Variants in RABGAP1L observed in about 807,000 individuals in gnomAD.
RABGAP1L encodes the protein rab GTPase-activating protein 1-like.
RABGAP1L carries 63 observed loss-of-function variants against 137.7 expected under a neutral mutation model. That is an observed-to-expected ratio of 0.46 (90% CI 0.37 to 0.56). RABGAP1L has a LOEUF of 0.56. Ranked by LOEUF, RABGAP1L falls within the 20% of genes least tolerant of loss-of-function variation. The pLI is 0.00. For missense variants in RABGAP1L, 1,095 were observed against 1,244.0 expected, an observed-to-expected ratio of 0.88 and a Z score of 1.80; for synonymous variants, 431 against 433.7, an observed-to-expected ratio of 0.99 and a Z score of 0.08.
intron 15 of RABGAP1L, among the ~76,000 whole-genome samples, chr1:174,686,265 C>G (rs771919614): frequency 6.6e-6 from 1 of 152,068 alleles, no homozygotes; most frequent in Non-Finnish European, 1.5e-5. Context: ...TATAATAGTT[C>G]TATTATGATT....
In RABGAP1L at chr1:174,706,384, G is replaced by A. The variant is rs1680048237; in HGVS notation, c.2169+4128G>A. Among the ~76,000 whole-genome samples, 5 of 152,104 alleles carry A rather than the reference G, an allele frequency of 3.3e-5. No individual in the cohort carries two copies. In the South Asian group the frequency reaches 1.0e-3, roughly 31 times the overall value. ...AATACATTTTCTTATGTTAAGATGA[G>A]TGAAAATCTGTTTTGATTGTCTTTT... On this transcript the variant is annotated intron_variant, in intron 17 of 25. Coordinates refer to ENST00000681986, the MANE Select transcript of RABGAP1L (RefSeq NM_001366446.1).
chr1:174,732,282 G>T (rs1198612360), intron 17 of RABGAP1L, among the ~76,000 whole-genome samples: 1 of 151,842 alleles, frequency 6.6e-6, no homozygotes, highest in African/African-American at 2.4e-5. Context: ...TAAAAGAAGA[G>T]AACTTAAGTA....
At chr1:174,642,497 G>A (rs1405504212) in intron 14 of RABGAP1L, among the ~76,000 whole-genome samples, 3 of 152,014 alleles carry the variant, frequency 2.0e-5, no homozygotes, top group Non-Finnish European at 2.9e-5. Flanking sequence ...GTGATTATGA[G>A]GATGAATTAT....
At chr1:174,381,228 A>G (rs1404812776) in intron 12 of RABGAP1L, among the ~76,000 whole-genome samples, 13 of 146,612 alleles carry the variant, frequency 8.9e-5, no homozygotes, top group Admixed American at 8.7e-4. Flanking sequence ...CAATTTTGGA[A>G]TAGGTGTGGT....
intron 11 of RABGAP1L, among the ~76,000 whole-genome samples, chr1:174,327,691 A>G (rs1571234940): frequency 6.6e-6 from 1 of 151,942 alleles, no homozygotes; most frequent in East Asian, 1.9e-4. Flanking sequence ...CTTCTTTGAA[A>G]AGACGCAGAG....
chr1:174,440,672 C>T (rs1298626011), intron 13 of RABGAP1L, among the ~76,000 whole-genome samples: 1 of 152,160 alleles, frequency 6.6e-6, no homozygotes, highest in Non-Finnish European at 1.5e-5. Context: ...TCTCATGCCT[C>T]AGCCTCCTGA....
At chr1:174,175,205 A>G (rs1558003901) in intron 1 of RABGAP1L, among the ~76,000 whole-genome samples, 1 of 152,212 alleles carries the variant, frequency 6.6e-6, no homozygotes. Context: ...ACAATATTAT[A>G]TAACTGTAGT....
intron 19 of RABGAP1L, among the ~76,000 whole-genome samples, chr1:174,870,347 C>T (rs934702569): frequency 1.3e-5 from 2 of 152,192 alleles, no homozygotes; most frequent in Admixed American, 1.3e-4. Flanking sequence ...AGAGGGACTT[C>T]ATTCTATTAC....
rs374038751 is a variant in RABGAP1L at position 174,956,838 on chromosome 1, G to A, written c.2341-619G>A. Reference sequence around the variant, plus strand: ...AATTTTTGTAATTTTAGTAGAGACCGGGTTTCACCATGTTGGCCAGGCTGG... The same window carrying A: ...AATTTTTGTAATTTTAGTAGAGACCAGGTTTCACCATGTTGGCCAGGCTGG... On this transcript the variant is annotated intron_variant, in intron 19 of 25. Transcript: ENST00000681986. Among the ~76,000 whole-genome samples, 31 of 151,878 alleles carry A rather than the reference G, an allele frequency of 2.0e-4. 1 individual carries two copies. Among genetic ancestry groups the A allele is most frequent in the African/African-American group, 5.3e-4 (22 of 41,416 alleles).
At chr1:174,368,127 C>A (rs935214112) in intron 11 of RABGAP1L, 12 of 152,294 alleles carry the variant, frequency 7.9e-5, no homozygotes, top group South Asian at 2.1e-4. Flanking sequence ...AAGCAGACTG[C>A]CGGGCAGCAT....
chr1:174,325,085 G>A (rs1680320365), intron 11 of RABGAP1L, among the ~76,000 whole-genome samples: 1 of 152,184 alleles, frequency 6.6e-6, no homozygotes, highest in Admixed American at 6.5e-5. Context: ...TAAAAGACTT[G>A]AGCTTCTATG....
Position 174,618,934 on chromosome 1 carries a change from G to A in RABGAP1L, c.1711-18441G>A, listed in dbSNP as rs961410427. ...GTATAACTAGAATAACCAATACAGA[G>A]AAGTGCTTAAAGGAGCTGATGGAGC... On this transcript the variant is annotated intron_variant, in intron 13 of 25. Transcript: ENST00000681986. Among the ~76,000 whole-genome samples the A allele has an allele frequency of 5.3e-5, 8 of 152,342 alleles. No homozygotes were observed. In the South Asian group the frequency reaches 1.7e-3, roughly 32 times the overall value.
chr1:174,588,734 C>G (rs1418345275), intron 13 of RABGAP1L, among the ~76,000 whole-genome samples: 2 of 152,022 alleles, frequency 1.3e-5, no homozygotes, highest in East Asian at 3.9e-4. Context: ...TTTCATTTAA[C>G]ATAATGTCTT....
At chr1:174,551,757 G>GA (rs11430299) in intron 13 of RABGAP1L, among the ~76,000 whole-genome samples, 53,262 of 150,724 alleles carry the variant, frequency 0.35, 11,946 homozygotes, top group African/African-American at 0.64. Flanking sequence ...GCTATTTTTG[G>GA]AAAAAAAAAT....
chr1:174,588,941 C>T (rs928100809), intron 13 of RABGAP1L, among the ~76,000 whole-genome samples: 2 of 152,114 alleles, frequency 1.3e-5, no homozygotes, highest in African/African-American at 4.8e-5. Flanking sequence ...AACATAGTGA[C>T]CTCCATTCTT....
At chr1:174,491,850 T>G (rs1303736371) in intron 13 of RABGAP1L, among the ~76,000 whole-genome samples, 1 of 152,200 alleles carries the variant, frequency 6.6e-6, no homozygotes, top group Non-Finnish European at 1.5e-5. Flanking sequence ...GTTCTGCTTT[T>G]GCTATGACAG....
At chr1:174,641,338 ATCTT>A (rs1674518710) in intron 14 of RABGAP1L, among the ~76,000 whole-genome samples, 1 of 152,150 alleles carries the variant, frequency 6.6e-6, no homozygotes, top group African/African-American at 2.4e-5. Context: ...GCCTCTTAAT[ATCTT>A]TCTTCAGAGT....
At chr1:174,662,121 T>TTTTTTTTTTTTTTTTTTTTTG (rs59243192) in intron 14 of RABGAP1L, among the ~76,000 whole-genome samples, 1 of 135,226 alleles carries the variant, frequency 7.4e-6, no homozygotes. Flanking sequence ...TTTTTTTTTT[T>TTTTTTTTTTTTTTTTTTTTTG]GAGTTGGAGT....
chr1:174,413,401 T>C (rs1221921183), intron 13 of RABGAP1L, among the ~76,000 whole-genome samples: 2 of 152,206 alleles, frequency 1.3e-5, no homozygotes, highest in Admixed American at 6.5e-5. Flanking sequence ...TTGAATCTCA[T>C]TGAGCTTCCT....
Sources: gnomAD v4.1 joint callset for allele counts (sites outside exome capture counted in the v4.1 genomes callset) on GRCh38, gnomAD v4.1.1 for gene constraint, MANE v1.5 for transcripts, NCBI Gene and HGNC (gene_info 2026-07-23, HGNC 2026-07-21) for gene names.